Variants in SPECC1 observed in about 807,000 individuals in gnomAD.
The protein encoded by SPECC1 is cytospin-B.
In SPECC1, 62 loss-of-function variants were observed where a neutral mutation model predicts 104.1. The observed-to-expected ratio is 0.60, with a 90% confidence interval of 0.49 to 0.74. The LOEUF (loss-of-function observed/expected upper bound fraction) is 0.74. SPECC1 is among the 30% of genes least tolerant of loss of function. The pLI is 0.00. For synonymous variants in SPECC1, 513 were observed against 501.6 expected, an observed-to-expected ratio of 1.02 and a Z score of -0.30; for missense variants, 1,306 against 1,310.5, an observed-to-expected ratio of 1.00 and a Z score of 0.05.
At chr17:20,086,193 A>G (rs2047170093) in intron 1 of SPECC1, among the ~76,000 whole-genome samples, 1 of 152,166 alleles carries the variant, frequency 6.6e-6, no homozygotes, top group Non-Finnish European at 1.5e-5. Flanking sequence ...GAGGTGCCAT[A>G]GTGCCAAGTC....
chr17:20,138,563 C>A (rs1311490654), intron 3 of SPECC1, among the ~76,000 whole-genome samples: 1 of 152,144 alleles, frequency 6.6e-6, no homozygotes, highest in East Asian at 1.9e-4. Context: ...AACCACTGAT[C>A]TTTTTACTGT....
intron 3 of SPECC1, among the ~76,000 whole-genome samples, chr17:20,167,174 TATGTA>T: frequency 1.4e-5 from 2 of 147,922 alleles, no homozygotes; most frequent in South Asian, 4.2e-4. Context: ...ATATATAGTG[TATGTA>T]ATATGTTAGC....
At chr17:20,262,990 A>T (rs1347305660) in intron 12 of SPECC1, among the ~76,000 whole-genome samples, 1 of 152,022 alleles carries the variant, frequency 6.6e-6, no homozygotes, top group Non-Finnish European at 1.5e-5. Flanking sequence ...AGTGTGGGTC[A>T]GAAAAAAGAA....
chr17:20,284,361 T>G (rs2040872885), intron 12 of SPECC1, among the ~76,000 whole-genome samples: 1 of 152,164 alleles, frequency 6.6e-6, no homozygotes, highest in Non-Finnish European at 1.5e-5. Context: ...GCTGTGAAGA[T>G]AGGGGGCCCA....
chr17:20,168,667 G>A (rs185644231), intron 3 of SPECC1, among the ~76,000 whole-genome samples: 2 of 152,168 alleles, frequency 1.3e-5, no homozygotes. Flanking sequence ...GAATTCTCTT[G>A]TTAGAATAAC....
intron 14 of SPECC1, among the ~76,000 whole-genome samples, chr17:20,310,746 G>A (rs1022653768): frequency 1.6e-4 from 24 of 152,242 alleles, no homozygotes; most frequent in Non-Finnish European, 2.9e-5. Context: ...CCCGTGGAGG[G>A]AGGTCACCAT....
In SPECC1 at chr17:20,194,750, C is replaced by T. The variant is rs192081948; in HGVS notation, c.284-9583C>T. On this transcript the variant is annotated intron_variant, in intron 3 of 14. Coordinates refer to ENST00000395527, the MANE Select transcript of SPECC1 (RefSeq NM_001243439.2). ...CGATCTCCTGACCACGAGACCCACC[C>T]GCCTCGGCCTCCCAAAGTGCTGGGA... Among the ~76,000 whole-genome samples, 958 of 151,958 alleles carry T rather than the reference C, an allele frequency of 6.3e-3. 10 individuals carry two copies. The highest frequency in any genetic ancestry group is 0.021 in the African/African-American group (883 of 41,410).
intron 3 of SPECC1, chr17:20,112,070 G>A: frequency 1.3e-6 from 1 of 766,810 alleles, no homozygotes; most frequent in Non-Finnish European, 2.4e-6. Flanking sequence ...CTGAGGGATT[G>A]TCAGGATTCC....
intron 5 of SPECC1, among the ~76,000 whole-genome samples, chr17:20,230,990 A>G (rs2038537327): frequency 6.6e-6 from 1 of 152,214 alleles, no homozygotes; most frequent in South Asian, 2.1e-4. Context: ...CTTCATAGAA[A>G]GCTAATGCTC....
intron 1 of SPECC1, among the ~76,000 whole-genome samples, chr17:20,018,631 C>G (rs1355600811): frequency 6.6e-6 from 1 of 152,194 alleles, no homozygotes; most frequent in African/African-American, 2.4e-5. Flanking sequence ...ACTTGGAAGA[C>G]TCAGCATGTG....
At chr17:20,111,968 CTGAT>C in intron 3 of SPECC1, 1 of 790,980 alleles carries the variant, frequency 1.3e-6, no homozygotes, top group South Asian at 1.3e-5. Flanking sequence ...CAAAGGTGGA[CTGAT>C]TGATGATATT....
chr17:20,235,577 TC>T (rs2151494177), intron 7 of SPECC1, among the ~76,000 whole-genome samples: 1 of 152,278 alleles, frequency 6.6e-6, no homozygotes, highest in African/African-American at 2.4e-5. Flanking sequence ...AAGACATGGT[TC>T]GTGAGCAGTG....
At chr17:20,014,653 G>A (rs932856887) in intron 1 of SPECC1, among the ~76,000 whole-genome samples, 7 of 152,120 alleles carry the variant, frequency 4.6e-5, no homozygotes, top group Admixed American at 2.6e-4. Context: ...AGAAGTGCAC[G>A]CGTCTGACTC....
At chr17:20,258,408 G>A (rs765441570) in intron 11 of SPECC1, among the ~76,000 whole-genome samples, 1 of 152,046 alleles carries the variant, frequency 6.6e-6, no homozygotes, top group Non-Finnish European at 1.5e-5. Context: ...GCCCCTGGTC[G>A]CCCAGGCCAC....
chr17:20,038,680 G>A (rs773145554), intron 1 of SPECC1, among the ~76,000 whole-genome samples: 1 of 152,092 alleles, frequency 6.6e-6, no homozygotes, highest in Non-Finnish European at 1.5e-5. Flanking sequence ...GATCACAGGC[G>A]TGAGCCACCG....
At chr17:20,038,454 C>G (rs1415291256) in intron 1 of SPECC1, among the ~76,000 whole-genome samples, 4 of 140,732 alleles carry the variant, frequency 2.8e-5, no homozygotes, top group Admixed American at 2.2e-4. Context: ...GGCTGGCGTG[C>G]AGTGGCACAA....
At chr17:20,096,222 T>A (rs1677722120) in intron 1 of SPECC1, among the ~76,000 whole-genome samples, 1 of 152,232 alleles carries the variant, frequency 6.6e-6, no homozygotes, top group South Asian at 2.1e-4. Flanking sequence ...ATGTTTATTT[T>A]AAAAATAAGT....
chr17:20,021,795 C>T (rs2044399717), intron 1 of SPECC1, among the ~76,000 whole-genome samples: 1 of 147,702 alleles, frequency 6.8e-6, no homozygotes, highest in Non-Finnish European at 1.5e-5. Context: ...CTTGGCCTCC[C>T]AAAGTGGTGG....
intron 4 of SPECC1, among the ~76,000 whole-genome samples, chr17:20,222,908 C>A (rs2037974882): frequency 6.6e-6 from 1 of 152,134 alleles, no homozygotes. Flanking sequence ...CTCTCCCTGG[C>A]CTGTAAGGTT....
Sources: gnomAD v4.1 joint callset for allele counts (sites outside exome capture counted in the v4.1 genomes callset) on GRCh38, gnomAD v4.1.1 for gene constraint, MANE v1.5 for transcripts, NCBI Gene and HGNC (gene_info 2026-07-23, HGNC 2026-07-21) for gene names.